ALMS1: variants seen among roughly 807,000 people sequenced by gnomAD.
ALMS1 encodes ALMS1 centrosome and basal body associated protein.
ALMS1 carries 271 observed loss-of-function variants against 352.2 expected under a neutral mutation model. The ratio of observed to expected loss-of-function variants is 0.77; its 90% CI spans 0.70 to 0.85. ALMS1 has a LOEUF of 0.85. Among genes scored for constraint, ALMS1 ranks in the 40% least tolerant of loss-of-function variants. The probability of loss-of-function intolerance (pLI) is 0.00; values close to 1 mark genes in which losing one functional copy is unlikely to be tolerated. For missense variants in ALMS1, 5,445 were observed against 4,870.7 expected, an observed-to-expected ratio of 1.12 and a Z score of -3.51; for synonymous variants, 1,865 against 1,761.2, an observed-to-expected ratio of 1.06 and a Z score of -1.48.
At chr2:73,485,333 C>A (rs868150726) in intron 9 of ALMS1, among the ~76,000 whole-genome samples, 1 of 151,914 alleles carries the variant, frequency 6.6e-6, no homozygotes, top group South Asian at 2.1e-4. Context: ...AATACCCTGC[C>A]GTGTGAGGTG....
rs777116714 is a variant in ALMS1 at position 73,570,045 on chromosome 2, A to G, written c.10385-2217A>G. On this transcript the variant is annotated intron_variant, in intron 15 of 22. Transcript: ENST00000613296. ...GACTTGCAGTATTGTGACAGGAAAT[A>G]GAAATAGATGTGTGATTGTTTGGTG... 3.0e-4 allele frequency among the ~76,000 whole-genome samples: 45 copies of G among 152,352 alleles called. No individual in the cohort carries two copies. The Middle Eastern group carries it at 0.01, about 35-fold the overall frequency.
At chr2:73,528,268 G>T (rs912794056) in intron 11 of ALMS1, among the ~76,000 whole-genome samples, 25 of 152,158 alleles carry the variant, frequency 1.6e-4, no homozygotes, top group African/African-American at 5.5e-4. Context: ...TCCATTCAAT[G>T]TATCTTCGTT....
intron 16 of ALMS1, among the ~76,000 whole-genome samples, chr2:73,580,136 T>C (rs992749166): frequency 3.3e-5 from 5 of 152,306 alleles, no homozygotes; most frequent in Admixed American, 2.0e-4. Context: ...TGGAGTACAG[T>C]GATGTAATCA....
intron 10 of ALMS1, among the ~76,000 whole-genome samples, chr2:73,493,636 C>T (rs1241695758): frequency 2.0e-5 from 3 of 151,826 alleles, no homozygotes; most frequent in South Asian, 4.1e-4. Flanking sequence ...GCAGGAGAAT[C>T]GCTTGAACCT....
At position 73,544,079 on chromosome 2, in the gene ALMS1, C is replaced by T. The variant is rs1028383582; in HGVS notation, c.9908-6188C>T. 5.9e-5 allele frequency among the ~76,000 whole-genome samples: 9 copies of T among 152,064 alleles called. 1 individual carries two copies. The highest frequency in any genetic ancestry group is 2.6e-4 in the Admixed American group (4 of 15,270). ...GACACATGCACAGGTATGTTTATTG[C>T]GGCACTATTCACAATAACAAAGATT... is the stretch of plus-strand genomic sequence containing the variant. On this transcript the variant is annotated intron_variant, in intron 12 of 22. Transcript: ENST00000613296.
rs1231670326 is a variant in ALMS1 at position 73,395,044 on chromosome 2, G to GTA, written c.324+8864_324+8865dup. 3.8e-3 allele frequency among the ~76,000 whole-genome samples: 359 copies of GTA among 95,192 alleles called. 5 individuals are homozygous for GTA. The highest frequency in any genetic ancestry group is 0.014 in the African/African-American group (272 of 19,484). The allele number at this position is 95,192 out of a possible 152,430, so 62.4% of individuals were successfully genotyped here. A position where few individuals can be genotyped will look rare whatever the true frequency, so the allele number is the denominator to read the frequency against. ...TATATATGTGTATATATATGTGTGTGTATATATATATATGTGTATATATAT... is the reference window on the plus strand; with the variant it reads ...TATATATGTGTATATATATGTGTGTGTATATATATATATATGTGTATATATAT... On this transcript the variant is annotated intron_variant, in intron 1 of 22. Coordinates refer to ENST00000613296, the MANE Select transcript of ALMS1 (RefSeq NM_001378454.1).
Position 73,572,247 on chromosome 2 carries a change from T to G in ALMS1, c.10385-15T>G. The G allele has an allele frequency of 1.9e-6, 3 of 1,600,302 alleles. No individual in the cohort carries two copies. The highest frequency in any genetic ancestry group is 2.6e-6 in the Non-Finnish European group (3 of 1,175,856). On this transcript the variant is annotated splice_polypyrimidine_tract_variant and intron_variant, in intron 15 of 22. Transcript: ENST00000613296. The stretch of plus-strand genomic sequence containing the variant: ...TTTTTTAAGTTCTTTCAAAATCTTT[T>G]TTTCTCCTTTTCAGAGTCCGAATGT...
intron 9 of ALMS1, among the ~76,000 whole-genome samples, chr2:73,473,253 G>GTT (rs11447858): frequency 1.1e-4 from 16 of 151,370 alleles, no homozygotes; most frequent in South Asian, 2.1e-4. Flanking sequence ...GACTGGGAGT[G>GTT]TTTTTTTTCT....
At chr2:73,410,756 A>T (rs1264877789) in intron 2 of ALMS1, among the ~76,000 whole-genome samples, 1 of 152,218 alleles carries the variant, frequency 6.6e-6, no homozygotes, top group Non-Finnish European at 1.5e-5. Context: ...TGAAACGATC[A>T]TGAGCAGATA....
At chr2:73,432,594 C>G (rs765534317) in intron 7 of ALMS1, among the ~76,000 whole-genome samples, 1 of 152,124 alleles carries the variant, frequency 6.6e-6, no homozygotes, top group Non-Finnish European at 1.5e-5. Flanking sequence ...ACATGTTCCT[C>G]TGTGCCCTCC....
chr2:73,499,302 T>C (rs563288547), intron 10 of ALMS1, among the ~76,000 whole-genome samples: 1 of 152,328 alleles, frequency 6.6e-6, no homozygotes, highest in East Asian at 1.9e-4. Context: ...CTGTAGGTTG[T>C]CTTCTTCACT....
intron 9 of ALMS1, chr2:73,470,293 G>A (rs1672441346): frequency 6.6e-6 from 1 of 151,108 alleles, no homozygotes; most frequent in African/African-American, 2.4e-5. Context: ...GCTTATTTGA[G>A]ATCTTTCTTC....
intron 9 of ALMS1, among the ~76,000 whole-genome samples, chr2:73,465,909 G>T (rs970450738): frequency 5.3e-5 from 8 of 152,208 alleles, no homozygotes; most frequent in African/African-American, 1.9e-4. Context: ...GGACATCAGA[G>T]AAATGCAAAT....
chr2:73,457,537 C>CTTTTTATG (rs1672092945), intron 9 of ALMS1, among the ~76,000 whole-genome samples: 1 of 152,110 alleles, frequency 6.6e-6, no homozygotes, highest in South Asian at 2.1e-4. Flanking sequence ...ACGCCTCGCC[C>CTTTTTATG]TATGTAATAC....
chr2:73,540,223 T>C (rs1386606896), intron 12 of ALMS1, among the ~76,000 whole-genome samples: 1 of 152,162 alleles, frequency 6.6e-6, no homozygotes, highest in Admixed American at 6.5e-5. Flanking sequence ...TTCAACATTC[T>C]TAAAGAAAAG....
chr2:73,541,016 G>T (rs1295958959), intron 12 of ALMS1, among the ~76,000 whole-genome samples: 1 of 152,136 alleles, frequency 6.6e-6, no homozygotes, highest in Non-Finnish European at 1.5e-5. Context: ...TCTGCATGAA[G>T]CAGACCTAAC....
In ALMS1 at chr2:73,450,419, C is replaced by A. The variant is rs770645262; in HGVS notation, c.3892C>A (p.Gln1298Lys). 9.3e-6 allele frequency: 15 copies of A among 1,613,444 alleles called. No individual in the cohort carries two copies. The African/African-American group carries it at 2.0e-4, about 22-fold the overall frequency. Residue 1298 changes from glutamine to lysine, a missense_variant, in exon 8 of 23, where the codon CAA becomes AAA. Transcript: ENST00000613296. ...TAGAGAGAAGCCCAGCATTTTCTAC[C>A]AACAGTCGTTGCCAAGTAGTCATCT... ...QYREKPSIFYQQSLPSSHLTE... is the reference protein window; with the variant it reads ...QYREKPSIFYKQSLPSSHLTE...
At chr2:73,603,553 C>G (rs1675747889) in intron 21 of ALMS1, 2 of 469,680 alleles carry the variant, frequency 4.3e-6, no homozygotes, top group Non-Finnish European at 7.8e-6. Context: ...TATTAGAAAC[C>G]TAAATGTAAA....
intron 10 of ALMS1, among the ~76,000 whole-genome samples, chr2:73,495,504 G>C (rs1673085453): frequency 6.6e-6 from 1 of 152,082 alleles, no homozygotes; most frequent in Non-Finnish European, 1.5e-5. Context: ...CCAAAATGCT[G>C]TGATTACAGA....
Sources: allele counts gnomAD v4.1 joint callset (sites outside exome capture counted in the v4.1 genomes callset), GRCh38; gene constraint gnomAD v4.1.1; transcripts MANE v1.5; gene names NCBI Gene and HGNC (gene_info 2026-07-23, HGNC 2026-07-21).